The following KCND2 variants were observed in gnomAD, a reference collection of about 807,000 sequenced individuals.
The protein encoded by KCND2 is A-type voltage-gated potassium channel KCND2.
A neutral mutation model predicts 54.4 loss-of-function variants in KCND2; 16 were observed. The ratio of observed to expected loss-of-function variants is 0.29; its 90% CI spans 0.20 to 0.45. The LOEUF is 0.45. Ranked by LOEUF, KCND2 falls within the 20% of genes least tolerant of loss-of-function variation. The pLI, the probability that KCND2 is intolerant of heterozygous loss-of-function variation, is 1.00. For synonymous variants in KCND2, 317 were observed against 310.7 expected, an observed-to-expected ratio of 1.02 and a Z score of -0.21; for missense variants, 486 against 824.2, an observed-to-expected ratio of 0.59 and a Z score of 5.02.
At chr7:120,533,862 C>T (rs1384761000) in intron 1 of KCND2, among the ~76,000 whole-genome samples, 2 of 152,004 alleles carry the variant, frequency 1.3e-5, no homozygotes, top group Non-Finnish European at 2.9e-5. Context: ...GTAGTTGTCT[C>T]CTTTTGAAAG....
At chr7:120,546,110 T>G (rs1792039713) in intron 1 of KCND2, among the ~76,000 whole-genome samples, 1 of 151,944 alleles carries the variant, frequency 6.6e-6, no homozygotes, top group South Asian at 2.1e-4. Context: ...CTAATTATAT[T>G]GAAAAGATAA....
chr7:120,733,185 C>T (rs1446508006), intron 2 of KCND2, 120 bp downstream of exon 2: 6 of 923,604 alleles, frequency 6.5e-6, no homozygotes, highest in South Asian at 4.2e-5. Context: ...CAATCAGGAC[C>T]GAGTAGGTTA....
chr7:120,542,579 A>G (rs1399455396), intron 1 of KCND2, among the ~76,000 whole-genome samples: 2 of 152,170 alleles, frequency 1.3e-5, no homozygotes, highest in African/African-American at 4.8e-5. Flanking sequence ...CTAACCATTC[A>G]TCCATGTTCT....
chr7:120,545,510 T>C (rs1792031939), intron 1 of KCND2, among the ~76,000 whole-genome samples: 1 of 151,898 alleles, frequency 6.6e-6, no homozygotes, highest in African/African-American at 2.4e-5. Flanking sequence ...TTCTTGAAGA[T>C]GAAATAGATC....
At position 120,273,772 on chromosome 7, in the gene KCND2, C is replaced by T. The variant is rs550033883; in HGVS notation, c.-861C>T. ...CGGCGCGCACTTGGCCAGGTATGTA[C>T]CGCGGGAGCGGCGCGTTCTGCGCGG... On this transcript the variant is annotated 5_prime_UTR_variant, in exon 1 of 6. Transcript: ENST00000331113. 11 of 152,920 alleles carry T rather than the reference C, an allele frequency of 7.2e-5. No individual in the cohort carries two copies. The highest frequency in any genetic ancestry group is 6.5e-4 in the Admixed American group (10 of 15,306). The allele number at this position is 152,920 out of a possible 1,614,324, so 9.5% of individuals were successfully genotyped here. A position where few individuals can be genotyped will look rare whatever the true frequency, so the allele number is the denominator to read the frequency against.
rs145626165 is a variant in KCND2, at chr7:120,349,327, A to AACACACACACACACAC, written c.1115+73588_1115+73603dup. On this transcript the variant is annotated intron_variant, in intron 1 of 5. Transcript: ENST00000331113. ...ACACACAAACACACACACACACACA[A>AACACACACACACACAC]ACACACACACACACACACACACAGA... Among the ~76,000 whole-genome samples the AACACACACACACACAC allele has an allele frequency of 1.4e-3, 198 of 144,534 alleles. 3 individuals carry two copies. The East Asian group carries it at 0.031, about 23-fold the overall frequency. The allele number at this position is 144,534 out of a possible 152,430, so 94.8% of individuals were successfully genotyped here.
Position 120,273,999 on chromosome 7 carries a change from C to G in KCND2, c.-634C>G, listed in dbSNP as rs1245074955. On this transcript the variant is annotated 5_prime_UTR_variant, in exon 1 of 6. Coordinates refer to ENST00000331113, the MANE Select transcript of KCND2 (RefSeq NM_012281.3). ...CCACCGTAACCACTGCACATCACCT[C>G]CATCTCTGCAAATACAGCCCGAGGA... 1.3e-5 allele frequency: 2 copies of G among 155,870 alleles called. No homozygotes were observed. Among genetic ancestry groups the G allele is most frequent in the Non-Finnish European group, 2.8e-5 (2 of 70,268 alleles). The allele number at this position is 155,870 out of a possible 1,614,324, so 9.7% of individuals were successfully genotyped here.
At chr7:120,682,710 C>T (rs899073081) in intron 1 of KCND2, among the ~76,000 whole-genome samples, 20 of 152,154 alleles carry the variant, frequency 1.3e-4, no homozygotes, top group African/African-American at 4.3e-4. Context: ...TGCTATTACA[C>T]ATTCGTTGAA....
intron 1 of KCND2, among the ~76,000 whole-genome samples, chr7:120,723,216 C>CTTTGGTG: frequency 6.6e-6 from 1 of 152,130 alleles, no homozygotes; most frequent in Non-Finnish European, 1.5e-5. Context: ...GCCATCAGCC[C>CTTTGGTG]AAAGCCAAAG....
At chr7:120,586,459 C>T (rs1376539312) in intron 1 of KCND2, among the ~76,000 whole-genome samples, 2 of 152,182 alleles carry the variant, frequency 1.3e-5, no homozygotes, top group South Asian at 4.2e-4. Context: ...ATAAGGTTAA[C>T]ATTATTATCA....
intron 1 of KCND2, among the ~76,000 whole-genome samples, chr7:120,386,914 C>G (rs2116041650): frequency 6.6e-6 from 1 of 152,228 alleles, no homozygotes; most frequent in South Asian, 2.1e-4. Context: ...TTTCTGTCCT[C>G]ACCAACTTCA....
At chr7:120,353,356 A>G (rs182113457) in intron 1 of KCND2, among the ~76,000 whole-genome samples, 2 of 152,166 alleles carry the variant, frequency 1.3e-5, no homozygotes, top group Admixed American at 1.3e-4. Context: ...AAGGAAGGAA[A>G]TGAGTTATAG....
rs1562927205 is a variant in KCND2, at chr7:120,748,807, T to C, written c.*949T>C. ...CACTGTATTCCTGTGACACAGTGCA[T>C]TATCTGTTCTTGTATTTCTATAGCA... On this transcript the variant is annotated 3_prime_UTR_variant, in exon 6 of 6. Transcript: ENST00000331113. 2 of 151,986 alleles carry C rather than the reference T, an allele frequency of 1.3e-5. No individual in the cohort carries two copies. Among genetic ancestry groups the C allele is most frequent in the African/African-American group, 4.8e-5 (2 of 41,446 alleles). The allele number at this position is 151,986 out of a possible 1,614,324, so 9.4% of individuals were successfully genotyped here.
At chr7:120,401,375 T>C (rs1801250613) in intron 1 of KCND2, among the ~76,000 whole-genome samples, 3 of 152,160 alleles carry the variant, frequency 2.0e-5, no homozygotes. Flanking sequence ...GAGTTAGATA[T>C]GCTTTTGAGG....
At chr7:120,630,762 T>A (rs2116514647) in intron 1 of KCND2, among the ~76,000 whole-genome samples, 1 of 152,294 alleles carries the variant, frequency 6.6e-6, no homozygotes, top group East Asian at 1.9e-4. Context: ...CTAAGATAAG[T>A]CACATGAGTT....
chr7:120,648,957 G>A (rs766957535), intron 1 of KCND2, among the ~76,000 whole-genome samples: 25 of 152,048 alleles, frequency 1.6e-4, no homozygotes, highest in Non-Finnish European at 3.4e-4. Context: ...AAATTAATAA[G>A]CCATTGAATC....
intron 1 of KCND2, among the ~76,000 whole-genome samples, chr7:120,701,316 GT>G (rs1392426424): frequency 7.1e-6 from 1 of 141,212 alleles, no homozygotes; most frequent in Non-Finnish European, 1.5e-5. Context: ...ATAGGTGTTA[GT>G]TTTATTAGGA....
chr7:120,651,887 C>A (rs1289103249), intron 1 of KCND2, among the ~76,000 whole-genome samples: 1 of 152,070 alleles, frequency 6.6e-6, no homozygotes, highest in Non-Finnish European at 1.5e-5. Context: ...TATCCATGGA[C>A]CCCCTGTACT....
At chr7:120,665,598 T>C (rs926366728) in intron 1 of KCND2, among the ~76,000 whole-genome samples, 5 of 151,984 alleles carry the variant, frequency 3.3e-5, no homozygotes, top group Admixed American at 2.6e-4. Flanking sequence ...CTGGTAGCAA[T>C]AAAAACAACA....
Sources: gnomAD v4.1 joint callset for allele counts (sites outside exome capture counted in the v4.1 genomes callset) on GRCh38, gnomAD v4.1.1 for gene constraint, MANE v1.5 for transcripts, NCBI Gene and HGNC (gene_info 2026-07-23, HGNC 2026-07-21) for gene names.